Variants in OR52K1 observed in about 807,000 individuals in gnomAD.
The protein encoded by OR52K1 is olfactory receptor 52K1.
Under a neutral mutation model 8.7 loss-of-function variants are expected in OR52K1, and 10 were observed. That is an observed-to-expected ratio of 1.15 (90% CI 0.71 to 1.95). OR52K1 has a LOEUF of 1.95. Ranked by LOEUF, OR52K1 falls within the 30% of genes most tolerant of loss-of-function variation. OR52K1 has a pLI of 0.00. For synonymous variants in OR52K1, 203 were observed against 148.5 expected (o/e 1.37, Z -2.67); for missense variants, 431 against 397.2 (o/e 1.08, Z -0.72).
In OR52K1 at chr11:4,492,271, T is replaced by A. The variant is rs2047655469; in HGVS notation, c.*2426T>A. 6.7e-6 allele frequency: 1 copy of A among 148,268 alleles called. No individual in the cohort carries two copies. Among genetic ancestry groups the A allele is most frequent in the East Asian group, 2.0e-4 (1 of 5,080 alleles). The allele number at this position is 148,268 out of a possible 1,614,324, so 9.2% of individuals were successfully genotyped here. A position where few individuals can be genotyped will look rare whatever the true frequency, so the allele number is the denominator to read the frequency against. ...AAATGAGAAATTGTGTTTGAGCTGC[T>A]AAAAAAAAAAAATAAACTTTAAAAT... On this transcript the variant is annotated 3_prime_UTR_variant, in exon 2 of 2. Transcript: ENST00000641528.
intron 1 of OR52K1, among the ~76,000 whole-genome samples, chr11:4,486,138 C>G (rs1337037815): frequency 6.6e-6 from 1 of 152,102 alleles, no homozygotes; most frequent in Non-Finnish European, 1.5e-5. Context: ...CAGCTGTATC[C>G]CACCTCCCAC....
At chr11:4,486,435 G>A (rs1223711776) in intron 1 of OR52K1, among the ~76,000 whole-genome samples, 1 of 152,174 alleles carries the variant, frequency 6.6e-6, no homozygotes, top group East Asian at 1.9e-4. Context: ...CTTGTTCACT[G>A]TGTAATTGTT....
chr11:4,492,068 A>C lies in OR52K1; in HGVS notation c.*2223A>C, dbSNP rs1459836519. ...CCATGGAATACTATACAGCCATCAA[A>C]AAGAAATAAGATCACGTCCTTTGTG... On this transcript the variant is annotated 3_prime_UTR_variant, in exon 2 of 2. Coordinates refer to ENST00000641528, the MANE Select transcript of OR52K1 (RefSeq NM_001005171.3). 1 of 152,080 alleles carries C rather than the reference A, an allele frequency of 6.6e-6. No individual in the cohort carries two copies. Among genetic ancestry groups the C allele is most frequent in the Non-Finnish European group, 1.5e-5 (1 of 68,012 alleles). The allele number at this position is 152,080 out of a possible 1,614,324, so 9.4% of individuals were successfully genotyped here.
Position 4,488,821 on chromosome 11 carries a change from T to G in OR52K1, c.-80T>G. On this transcript the variant is annotated 5_prime_UTR_variant, in exon 2 of 2. Coordinates refer to ENST00000641528, the MANE Select transcript of OR52K1 (RefSeq NM_001005171.3). ...GCAGGTGGGATAGCACAGGTTGAACTCTAATCATATATACTGTAGAAGGTA... is the reference window on the plus strand; with the variant it reads ...GCAGGTGGGATAGCACAGGTTGAACGCTAATCATATATACTGTAGAAGGTA... The G allele has an allele frequency of 1.0e-6, 1 of 1,003,652 alleles. No homozygotes were observed. Among genetic ancestry groups the G allele is most frequent in the Admixed American group, 2.2e-5 (1 of 46,084 alleles). The allele number at this position is 1,003,652 out of a possible 1,614,324, so 62.2% of individuals were successfully genotyped here. A position where few individuals can be genotyped will look rare whatever the true frequency, so the allele number is the denominator to read the frequency against.
chr11:4,490,945 C>T lies in OR52K1; in HGVS notation c.*1100C>T, dbSNP rs537989108. ...CAATATTGGGTTTGTAGCCTAGGAG[C>T]AACAGGCTATACCATATAGCTTAGG... On this transcript the variant is annotated 3_prime_UTR_variant, in exon 2 of 2. Transcript: ENST00000641528. 1 of 152,226 alleles carries T rather than the reference C, an allele frequency of 6.6e-6. No homozygotes were observed. Among genetic ancestry groups the T allele is most frequent in the African/African-American group, 2.4e-5 (1 of 41,520 alleles). The allele number at this position is 152,226 out of a possible 1,614,324, so 9.4% of individuals were successfully genotyped here.
chr11:4,488,169 A>G (rs1846335512), intron 1 of OR52K1, among the ~76,000 whole-genome samples: 1 of 152,256 alleles, frequency 6.6e-6, no homozygotes, highest in African/African-American at 2.4e-5. Context: ...ACCTGTGAAT[A>G]CTGAGAAGAT....
At chr11:4,484,350 G>C (rs1252832373) in intron 1 of OR52K1, among the ~76,000 whole-genome samples, 1 of 152,140 alleles carries the variant, frequency 6.6e-6, no homozygotes, top group African/African-American at 2.4e-5. Context: ...TGGAAGTGTT[G>C]GAAACGCAAT....
At chr11:4,487,670 C>T (rs1451425618) in intron 1 of OR52K1, among the ~76,000 whole-genome samples, 1 of 152,042 alleles carries the variant, frequency 6.6e-6, no homozygotes, top group Non-Finnish European at 1.5e-5. Context: ...TATCTTAGAG[C>T]AATTATTATA....
rs1296560593 is a variant in OR52K1 at position 4,489,922 on chromosome 11, T to C, written c.*77T>C. On this transcript the variant is annotated 3_prime_UTR_variant, in exon 2 of 2. Coordinates refer to ENST00000641528, the MANE Select transcript of OR52K1 (RefSeq NM_001005171.3). The stretch of plus-strand genomic sequence containing the variant: ...TTGGGGTTGAGGGGAAAAATCTAAA[T>C]AGGAAAATTGCAGAGTATCTTTGAC... 1 of 1,021,694 alleles carries C rather than the reference T, an allele frequency of 9.8e-7. No individual in the cohort carries two copies. The highest frequency in any genetic ancestry group is 2.3e-5 in the Admixed American group (1 of 44,184). 63.3% of individuals were successfully genotyped at this position (1,021,694 alleles called of 1,614,324 possible). A position where few individuals can be genotyped will look rare whatever the true frequency, so the allele number is the denominator to read the frequency against.
intron 1 of OR52K1, among the ~76,000 whole-genome samples, chr11:4,485,894 A>G (rs999295278): frequency 1.3e-5 from 2 of 152,116 alleles, no homozygotes; most frequent in Non-Finnish European, 2.9e-5. Context: ...TCTCCTGCTC[A>G]TTTGCTTCAT....
Position 4,490,163 on chromosome 11 carries a change from A to G in OR52K1, c.*318A>G, listed in dbSNP as rs1846362162. On this transcript the variant is annotated 3_prime_UTR_variant, in exon 2 of 2. Transcript: ENST00000641528. ...ACCTTTATTGGCTGAGATTGGCCCA[A>G]ACAGCTGAGTCACCCAAACAGGTGA... The G allele has an allele frequency of 7.6e-6, 2 of 261,984 alleles. No homozygotes were observed. Among genetic ancestry groups the G allele is most frequent in the Non-Finnish European group, 1.4e-5 (2 of 137,998 alleles). The allele number at this position is 261,984 out of a possible 1,614,324, so 16.2% of individuals were successfully genotyped here.
intron 1 of OR52K1, among the ~76,000 whole-genome samples, chr11:4,484,101 G>A (rs1846301756): frequency 6.6e-6 from 1 of 152,156 alleles, no homozygotes; most frequent in Non-Finnish European, 1.5e-5. Flanking sequence ...CAATAATCTA[G>A]TAGTCTGTTT....
At chr11:4,483,286 C>A (rs141057247) in intron 1 of OR52K1, 110 bp downstream of exon 1, 43 of 397,746 alleles carry the variant, frequency 1.1e-4, no homozygotes, top group African/African-American at 8.6e-4. Flanking sequence ...ATATGTCATT[C>A]TGATATCCTT....
Position 4,488,844 on chromosome 11 carries a change from G to A in OR52K1, c.-57G>A. On this transcript the variant is annotated 5_prime_UTR_variant, in exon 2 of 2. Coordinates refer to ENST00000641528, the MANE Select transcript of OR52K1 (RefSeq NM_001005171.3). ...ACTCTAATCATATATACTGTAGAAG[G>A]TATATATAGAAGGTGAAGAAGCCCT... is the stretch of plus-strand genomic sequence containing the variant. 2.5e-6 allele frequency: 3 copies of A among 1,177,094 alleles called. No homozygotes were observed. The highest frequency in any genetic ancestry group is 2.3e-5 in the East Asian group (1 of 42,946). The allele number at this position is 1,177,094 out of a possible 1,614,324, so 72.9% of individuals were successfully genotyped here.
rs1438309114 is a variant in OR52K1, at chr11:4,485,284, C to T, written c.-329+2108C>T. Among the ~76,000 whole-genome samples, 5 of 152,276 alleles carry T rather than the reference C, an allele frequency of 3.3e-5. No individual in the cohort carries two copies. The South Asian group carries it at 6.2e-4, about 19-fold the overall frequency. On this transcript the variant is annotated intron_variant, in intron 1 of 1. Transcript: ENST00000641528. ...CCATTCTTAATGTTGGGATTCAGTT[C>T]TGGGTTCTCTAGTTCTCTTTTCTGT...
Position 4,488,729 on chromosome 11 carries a change from C to T in OR52K1, c.-172C>T. 1 of 595,474 alleles carries T rather than the reference C, an allele frequency of 1.7e-6. No individual in the cohort carries two copies. The highest frequency in any genetic ancestry group is 3.0e-6 in the Non-Finnish European group (1 of 335,422). 36.9% of individuals were successfully genotyped at this position (595,474 alleles called of 1,614,324 possible). On this transcript the variant is annotated 5_prime_UTR_variant, in exon 2 of 2. Transcript: ENST00000641528. ...GGTAGAAAATATGGATTATACTTCT[C>T]CATGTCTATGAAGGCTGCTAGGTTA...
chr11:4,488,765 A>C lies in OR52K1; in HGVS notation c.-136A>C. On this transcript the variant is annotated 5_prime_UTR_variant, in exon 2 of 2. Transcript: ENST00000641528. ...AAGGCTGCTAGGTTATTTTGTTTAAAGTCTAGCAATGGAAACAAGAGGTAA... is the reference window on the plus strand; with the variant it reads ...AAGGCTGCTAGGTTATTTTGTTTAACGTCTAGCAATGGAAACAAGAGGTAA... 1 of 657,424 alleles carries C rather than the reference A, an allele frequency of 1.5e-6. No individual in the cohort carries two copies. The highest frequency in any genetic ancestry group is 1.8e-5 in the African/African-American group (1 of 55,318). The allele number at this position is 657,424 out of a possible 1,614,324, so 40.7% of individuals were successfully genotyped here.
At position 4,489,101 on chromosome 11, in the gene OR52K1, G is replaced by A. The variant is rs1350484104; in HGVS notation, c.201G>A (p.Met67Ile). The A allele has an allele frequency of 6.2e-7, 1 of 1,614,092 alleles. No homozygotes were observed. Among genetic ancestry groups the A allele is most frequent in the Non-Finnish European group, 8.5e-7 (1 of 1,180,042 alleles). ...AACCCATGTACCTCTTTCTGGCCAT[G>A]TTGGCAACCATTGACTTGGTTCTTT... The part of the protein sequence containing the change: ...LHEPMYLFLA[M>I]LATIDLVLSS... The change falls in exon 2 of 2, where the codon ATG becomes ATA. Residue 67 changes from methionine (M) to isoleucine (I), a missense_variant. Coordinates refer to ENST00000641528, the MANE Select transcript of OR52K1 (RefSeq NM_001005171.3).
Position 4,491,476 on chromosome 11 carries a change from T to C in OR52K1, c.*1631T>C, listed in dbSNP as rs1162621967. 6.6e-6 allele frequency: 1 copy of C among 152,198 alleles called. No individual in the cohort carries two copies. Among genetic ancestry groups the C allele is most frequent in the Non-Finnish European group, 1.5e-5 (1 of 68,028 alleles). The allele number at this position is 152,198 out of a possible 1,614,324, so 9.4% of individuals were successfully genotyped here. A position where few individuals can be genotyped will look rare whatever the true frequency, so the allele number is the denominator to read the frequency against. On this transcript the variant is annotated 3_prime_UTR_variant, in exon 2 of 2. Transcript: ENST00000641528. ...AAGTTGTTCTACCATAAAGATAACA[T>C]GTATGTGTACATTCACTGCAGCACT...
Sources: gnomAD v4.1 joint callset for allele counts (sites outside exome capture counted in the v4.1 genomes callset) on GRCh38, gnomAD v4.1.1 for gene constraint, MANE v1.5 for transcripts, NCBI Gene and HGNC (gene_info 2026-07-23, HGNC 2026-07-21) for gene names.